GTF3C3: variants seen among roughly 807,000 people sequenced by gnomAD.
GTF3C3 encodes general transcription factor 3C polypeptide 3.
In GTF3C3, 75 loss-of-function variants were observed where a neutral mutation model predicts 105.2. The ratio of observed to expected loss-of-function variants is 0.71; its 90% confidence interval spans 0.59 to 0.86. GTF3C3 has a LOEUF of 0.86. Ranked by LOEUF, GTF3C3 falls within the 40% of genes least tolerant of loss-of-function variation. The pLI, the probability that GTF3C3 is intolerant of heterozygous loss-of-function variation, is 0.00. For synonymous variants in GTF3C3, 335 were observed against 370.4 expected (o/e 0.90, Z 1.10); for missense variants, 856 against 1,076.5 (o/e 0.80, Z 2.87).
At chr2:196,798,599 G>C (rs185170803) in intron 1 of GTF3C3, among the ~76,000 whole-genome samples, 15 of 150,954 alleles carry the variant, frequency 9.9e-5, no homozygotes, top group African/African-American at 2.7e-4. Flanking sequence ...TCTGCCGGCC[G>C]GGCAAAGTAA....
intron 8 of GTF3C3, among the ~76,000 whole-genome samples, chr2:196,781,869 G>A (rs1389036588): frequency 6.6e-6 from 1 of 152,210 alleles, no homozygotes; most frequent in Non-Finnish European, 1.5e-5. Flanking sequence ...ACTCAAGGCT[G>A]TATCCACAGC....
At chr2:196,780,921 A>C in intron 8 of GTF3C3, 1 of 286,156 alleles carries the variant, frequency 3.5e-6, no homozygotes, top group African/African-American at 2.2e-5. Flanking sequence ...AGAACTAAAA[A>C]GACAAAAATA....
chr2:196,775,350 A>C (rs1394699599), intron 12 of GTF3C3, 99 bp from the exon 13 acceptor site: 1 of 1,046,038 alleles, frequency 9.6e-7, no homozygotes, highest in Non-Finnish European at 1.4e-6. Flanking sequence ...TGAACTCCTA[A>C]GCTCAAGTGA....
At chr2:196,794,006 A>C (rs925722264) in intron 2 of GTF3C3, among the ~76,000 whole-genome samples, 1 of 152,062 alleles carries the variant, frequency 6.6e-6, no homozygotes, top group Non-Finnish European at 1.5e-5. Context: ...GGTCTTTAAG[A>C]GGGGACCTTT....
rs1356797554 is a variant in GTF3C3, at chr2:196,776,255, T to C, written c.1594-144A>G. 1.4e-5 allele frequency: 10 copies of C among 710,616 alleles called. No homozygotes were observed. The highest frequency in any genetic ancestry group is 2.3e-5 in the Non-Finnish European group (10 of 427,556). 44.0% of individuals were successfully genotyped at this position (710,616 alleles called of 1,614,324 possible). ...ATTAAGAGCCAATATTTTAAAACTATAATTTGTAACCCAACCAGTGGCTGA... is the reference window on the plus strand; with the variant it reads ...ATTAAGAGCCAATATTTTAAAACTACAATTTGTAACCCAACCAGTGGCTGA... On this transcript the variant is annotated intron_variant, in intron 11 of 17. Transcript: ENST00000263956. This position sits in a 1 kb window ranked among gnomAD's most constrained non-coding sequence, Gnocchi z 4.5.
chr2:196,768,138 C>T (rs1699102833), intron 16 of GTF3C3, among the ~76,000 whole-genome samples: 2 of 152,146 alleles, frequency 1.3e-5, no homozygotes, highest in South Asian at 4.1e-4. Flanking sequence ...CTGCCTCAGC[C>T]TCCCGAGTAG....
chr2:196,791,222 A>G, intron 4 of GTF3C3, 115 bp downstream of exon 4: 1 of 902,274 alleles, frequency 1.1e-6, no homozygotes, highest in Admixed American at 2.4e-5. Context: ...CCATTACCAC[A>G]ATCACCCTTA....
At chr2:196,790,104 T>C in intron 4 of GTF3C3, 34 bp from the exon 5 acceptor site, 4 of 1,457,058 alleles carry the variant, frequency 2.7e-6, no homozygotes, top group Non-Finnish European at 2.8e-6. Context: ...TTCCATTGGC[T>C]GAGAGAAGAG....
At chr2:196,778,157 C>T (rs1047049661) in intron 10 of GTF3C3, 3 of 152,174 alleles carry the variant, frequency 2.0e-5, no homozygotes, top group African/African-American at 7.2e-5. Flanking sequence ...AGTTTTCTGC[C>T]ATCACATAGT....
At chr2:196,784,965 T>G (rs753606400) in intron 7 of GTF3C3, 36 bp from the exon 8 acceptor site, 1 of 1,383,090 alleles carries the variant, frequency 7.2e-7, no homozygotes, top group African/African-American at 1.4e-5. Flanking sequence ...AAATAAAATA[T>G]GTGTGAAAAA....
Position 196,789,347 on chromosome 2 carries a change from A to G in GTF3C3, c.750T>C (p.Asn250=), listed in dbSNP as rs1018785379. ...TTGATCGCTCCCACAGATAACGGAC[A>G]TTAGTAGGTTCATATTTAAGAGCTA... The part of the protein sequence containing the change: ...YTKALKYEPT[N]VRYLWERSSL... Residue 250 remains asparagine (N), a synonymous_variant, in exon 6 of 18, where the codon AAT becomes AAC. Transcript: ENST00000263956. 8 of 1,599,956 alleles carry G rather than the reference A, an allele frequency of 5.0e-6. No individual in the cohort carries two copies. The highest frequency in any genetic ancestry group is 1.1e-5 in the South Asian group (1 of 87,640).
chr2:196,788,386 C>G (rs961319859), intron 6 of GTF3C3, among the ~76,000 whole-genome samples: 1 of 152,216 alleles, frequency 6.6e-6, no homozygotes, highest in Non-Finnish European at 1.5e-5. Flanking sequence ...ATGTTTCCTA[C>G]TTTGTTTTGC....
At chr2:196,772,714 G>A (rs1442636121) in intron 14 of GTF3C3, among the ~76,000 whole-genome samples, 1 of 152,092 alleles carries the variant, frequency 6.6e-6, no homozygotes, top group South Asian at 2.1e-4. Flanking sequence ...CTAAGGTCAC[G>A]CAGCCAGTAG....
chr2:196,778,610 T>C, intron 10 of GTF3C3: 1 of 331,632 alleles, frequency 3.0e-6, no homozygotes, highest in Non-Finnish European at 5.5e-6. Flanking sequence ...TGACAATCCT[T>C]TGCTAGAAAC....
rs753633851 is a variant in GTF3C3, at chr2:196,769,933, T to C, written c.2367A>G (p.Arg789=). ...GAATTACCTGTACAATAAGAGCATG[T>C]CTCCGTAACACATACTTCTGAGATG... ...HMASQKYVLR[R]HALIVQGFSF... is the part of the protein sequence containing the mutation. The change falls in exon 16 of 18, where the codon AGA becomes AGG. Residue 789 remains arginine (R), a synonymous_variant. Transcript: ENST00000263956. 4 of 1,607,990 alleles carry C rather than the reference T, an allele frequency of 2.5e-6. No individual in the cohort carries two copies. The highest frequency in any genetic ancestry group is 3.4e-6 in the Non-Finnish European group (4 of 1,176,552).
intron 9 of GTF3C3, chr2:196,780,074 A>G (rs1383282328): frequency 6.3e-6 from 1 of 158,162 alleles, no homozygotes; most frequent in East Asian, 1.9e-4. Context: ...ACTTATCACC[A>G]GCCAATGTCC....
chr2:196,784,218 C>T (rs987375679), intron 8 of GTF3C3, among the ~76,000 whole-genome samples: 2 of 152,250 alleles, frequency 1.3e-5, no homozygotes, highest in Admixed American at 6.5e-5. Context: ...AAAATCCTCA[C>T]AGTGTAGGGG....
chr2:196,799,479 T>G, intron 1 of GTF3C3, 31 bp downstream of exon 1: 1 of 1,537,966 alleles, frequency 6.5e-7, no homozygotes. Context: ...GCAACAAGAG[T>G]GAAGGGCACC....
intron 7 of GTF3C3, 41 bp from the exon 8 acceptor site, chr2:196,784,970 G>A: frequency 7.7e-7 from 1 of 1,295,132 alleles, no homozygotes; most frequent in Non-Finnish European, 1.1e-6. Flanking sequence ...AAATATGTGT[G>A]AAAAACCATT....
Sources: allele counts gnomAD v4.1 joint callset (sites outside exome capture counted in the v4.1 genomes callset), GRCh38; gene constraint gnomAD v4.1.1; non-coding constraint Gnocchi (gnomAD v3.1); transcripts MANE v1.5; gene names NCBI Gene and HGNC (gene_info 2026-07-23, HGNC 2026-07-21).